Variants in CDC5L observed in about 807,000 individuals in gnomAD.
The protein encoded by CDC5L is cell division cycle 5 like.
A neutral mutation model predicts 104.1 loss-of-function variants in CDC5L; 18 were observed. That is an observed-to-expected ratio of 0.17 (90% CI 0.12 to 0.26). The LOEUF (loss-of-function observed/expected upper bound fraction) is 0.26. Among genes scored for constraint, CDC5L ranks in the 10% least tolerant of loss-of-function variants. CDC5L has a pLI of 1.00. For missense variants in CDC5L, 673 were observed against 956.9 expected, an observed-to-expected ratio of 0.70 and a Z score of 3.91; for synonymous variants, 331 against 322.7, an observed-to-expected ratio of 1.03 and a Z score of -0.28.
intron 8 of CDC5L, among the ~76,000 whole-genome samples, chr6:44,411,614 G>C (rs1394489707): frequency 9.3e-5 from 11 of 117,710 alleles, no homozygotes; most frequent in Non-Finnish European, 1.3e-4. Flanking sequence ...GAGACAGAGA[G>C]AGAGAGAGAG....
rs1416574126 is a variant in CDC5L at position 44,448,336 on chromosome 6, TATG to T, written c.*1628_*1630del. 6.6e-6 allele frequency: 1 copy of T among 152,204 alleles called. No homozygotes were observed. Among genetic ancestry groups the T allele is most frequent in the Non-Finnish European group, 1.5e-5 (1 of 68,026 alleles). 9.4% of individuals were successfully genotyped at this position (152,204 alleles called of 1,614,324 possible). On this transcript the variant is annotated 3_prime_UTR_variant, in exon 16 of 16. Transcript: ENST00000371477. ...TAAGGAATTTGGATCTTACTTTAAA[TATG>T]ATAAGAATCGATGAGAAGATCTAAG...
chr6:44,434,039 C>G (rs1388988105), intron 14 of CDC5L, among the ~76,000 whole-genome samples: 1 of 152,132 alleles, frequency 6.6e-6, no homozygotes, highest in Non-Finnish European at 1.5e-5. Context: ...ATTCACAGTA[C>G]TTTGGAATAC....
rs1431516853 is a variant in CDC5L, at chr6:44,422,892, C to G, written c.1404+83C>G. On this transcript the variant is annotated intron_variant, in intron 10 of 15. Transcript: ENST00000371477. ...CAAATTAAAATTTCTCCTGTTAGTG[C>G]ATATCACATATACCTTAAGAATCTA... 1.0e-5 allele frequency: 8 copies of G among 800,084 alleles called. No homozygotes were observed. In the East Asian group the frequency reaches 2.1e-4, roughly 21 times the overall value. The allele number at this position is 800,084 out of a possible 1,614,324, so 49.6% of individuals were successfully genotyped here.
Position 44,408,644 on chromosome 6 carries a change from C to G in CDC5L, c.1092+12C>G. On this transcript the variant is annotated intron_variant, in intron 8 of 15. Coordinates refer to ENST00000371477, the MANE Select transcript of CDC5L (RefSeq NM_001253.4). ...ACAGAATTCTGCAGGTAACGTGTCA[C>G]GTAGTAGAATGAGGCTTTTACTTTG... The G allele has an allele frequency of 1.9e-6, 3 of 1,567,208 alleles. No homozygotes were observed. The South Asian group carries it at 3.5e-5, about 18-fold the overall frequency.
intron 5 of CDC5L, 69 bp from the exon 6 acceptor site, chr6:44,403,740 A>C (rs1482164245): frequency 5.0e-5 from 53 of 1,057,728 alleles, no homozygotes; most frequent in Non-Finnish European, 7.3e-5. Flanking sequence ...CTTTTTTTTT[A>C]ACTGTATGGG....
intron 14 of CDC5L, among the ~76,000 whole-genome samples, chr6:44,432,872 CAGTT>C (rs1163293701): frequency 6.6e-6 from 1 of 152,224 alleles, no homozygotes; most frequent in East Asian, 1.9e-4. Flanking sequence ...ACAGCAATGA[CAGTT>C]AATATAAGGA....
chr6:44,411,683 A>G (rs1027364834), intron 8 of CDC5L, among the ~76,000 whole-genome samples: 5 of 137,146 alleles, frequency 3.6e-5, no homozygotes, highest in African/African-American at 1.1e-4. Flanking sequence ...TTTGTTTTTT[A>G]TTATCACTCT....
At position 44,387,772 on chromosome 6, in the gene CDC5L, C is replaced by T. The variant is rs1790393626; in HGVS notation, c.-52C>T. On this transcript the variant is annotated 5_prime_UTR_variant, in exon 1 of 16. Coordinates refer to ENST00000371477, the MANE Select transcript of CDC5L (RefSeq NM_001253.4). ...GAGTCCGGTGGCCCAATCGCTGTTA[C>T]TACTTCTCTGAAGCTCCTCTCGGCT... The T allele has an allele frequency of 6.6e-7, 1 of 1,508,366 alleles. No individual in the cohort carries two copies. The allele number at this position is 1,508,366 out of a possible 1,614,324, so 93.4% of individuals were successfully genotyped here.
At chr6:44,438,433 GT>G (rs1457773072) in intron 14 of CDC5L, among the ~76,000 whole-genome samples, 3 of 152,206 alleles carry the variant, frequency 2.0e-5, no homozygotes, top group Admixed American at 2.0e-4. Flanking sequence ...TCATTTGGGA[GT>G]TTTTAAGGAC....
At chr6:44,443,098 T>TTTCC (rs141584444) in intron 14 of CDC5L, among the ~76,000 whole-genome samples, 1 of 151,790 alleles carries the variant, frequency 6.6e-6, no homozygotes, top group African/African-American at 2.4e-5. Flanking sequence ...TTTCTTTTCT[T>TTTCC]TTCCTTCCTT....
rs1790482369 is a variant in CDC5L, at chr6:44,389,074, G to A, written c.46-1194G>A. Among the ~76,000 whole-genome samples, 4 of 152,268 alleles carry A rather than the reference G, an allele frequency of 2.6e-5. No individual in the cohort carries two copies. The South Asian group carries it at 8.3e-4, about 32-fold the overall frequency. On this transcript the variant is annotated intron_variant, in intron 1 of 15. Coordinates refer to ENST00000371477, the MANE Select transcript of CDC5L (RefSeq NM_001253.4). ...AGCATGGCGAGAGGACCAGGTCTTG[G>A]TATCCCTAGGACCTAGGACAGTAAC...
intron 14 of CDC5L, among the ~76,000 whole-genome samples, chr6:44,445,087 C>G (rs111447781): frequency 3.9e-5 from 6 of 152,294 alleles, no homozygotes; most frequent in African/African-American, 1.4e-4. Context: ...GCACTGCCCC[C>G]AAAGGGTGCA....
Position 44,408,505 on chromosome 6 carries a change from A to C in CDC5L, c.965A>C (p.Gln322Pro), listed in dbSNP as rs751834925. ...KVGQASEIAR[Q>P]TAEESGITNS... ...GGCCAAGCGAGTGAAATTGCACGTC[A>C]AACTGCCGAGGAATCTGGCATAACA... The change falls in exon 8 of 16, where the codon CAA becomes CCA. Residue 322 changes from glutamine (Q) to proline (P), a missense_variant. Gln to Pro is a moderately conservative substitution (Grantham distance 76). Coordinates refer to ENST00000371477, the MANE Select transcript of CDC5L (RefSeq NM_001253.4). 8 of 1,613,978 alleles carry C rather than the reference A, an allele frequency of 5.0e-6. No individual in the cohort carries two copies. Among genetic ancestry groups the C allele is most frequent in the Non-Finnish European group, 6.8e-6 (8 of 1,179,932 alleles).
Position 44,387,751 on chromosome 6 carries a change from C to A in CDC5L, c.-73C>A, listed in dbSNP as rs765727466. The A allele has an allele frequency of 3.7e-6, 5 of 1,348,310 alleles. No individual in the cohort carries two copies. Among genetic ancestry groups the A allele is most frequent in the South Asian group, 1.3e-5 (1 of 79,642 alleles). 83.5% of individuals were successfully genotyped at this position (1,348,310 alleles called of 1,614,324 possible). A position where few individuals can be genotyped will look rare whatever the true frequency, so the allele number is the denominator to read the frequency against. On this transcript the variant is annotated 5_prime_UTR_variant, in exon 1 of 16. Transcript: ENST00000371477. ...CTTGGAGGAAGTGGCGGCTTTGAGT[C>A]CGGTGGCCCAATCGCTGTTACTACT...
rs1429483271 is a variant in CDC5L, at chr6:44,422,778, A to G, written c.1373A>G (p.Asp458Gly). 3 of 1,612,714 alleles carry G rather than the reference A, an allele frequency of 1.9e-6. No individual in the cohort carries two copies. In the African/African-American group the frequency reaches 4.0e-5, roughly 22 times the overall value. Reference sequence around the variant, plus strand: ...ATTAATCCCGAGGATGGAATGGCAGACTATAGTGATCCCTCTTACGTGAAG... The same window carrying G: ...ATTAATCCCGAGGATGGAATGGCAGGCTATAGTGATCCCTCTTACGTGAAG... ...LNINPEDGMA[D>G]YSDPSYVKQM... Residue 458 changes from aspartate (D) to glycine (G), a missense_variant, in exon 10 of 16, where the codon GAC becomes GGC. Asp to Gly is a moderately conservative substitution (Grantham distance 94). Around this residue, in one of 4 missense-constraint regions of CDC5L, gnomAD observed 578 missense variants for 737.0 expected, o/e 0.78. Coordinates refer to ENST00000371477, the MANE Select transcript of CDC5L (RefSeq NM_001253.4).
At position 44,387,817 on chromosome 6, in the gene CDC5L, C is replaced by T. The variant is rs144524558; in HGVS notation, c.-7C>T. On this transcript the variant is annotated 5_prime_UTR_variant, in exon 1 of 16. Transcript: ENST00000371477. ...TCGGCTGCTTGCCGAGACACCCTGC[C>T]GCCAAGATGCCTCGAATTATGATCA... The T allele has an allele frequency of 4.5e-5, 70 of 1,562,870 alleles. No individual in the cohort carries two copies. In the African/African-American group the frequency reaches 9.0e-4, roughly 20 times the overall value.
chr6:44,416,575 T>A (rs1331703522), intron 8 of CDC5L, among the ~76,000 whole-genome samples: 1 of 152,190 alleles, frequency 6.6e-6, no homozygotes, highest in East Asian at 1.9e-4. Context: ...TACCTCTGTT[T>A]TACTTTTGAT....
intron 14 of CDC5L, among the ~76,000 whole-genome samples, chr6:44,439,761 C>CTGG (rs1226545879): frequency 6.6e-6 from 1 of 152,224 alleles, no homozygotes; most frequent in African/African-American, 2.4e-5. Context: ...GTGCCAGGCA[C>CTGG]TGGACAGCTG....
intron 2 of CDC5L, among the ~76,000 whole-genome samples, chr6:44,391,155 TTTAA>T (rs1370412739): frequency 6.9e-6 from 1 of 145,580 alleles, no homozygotes; most frequent in Non-Finnish European, 1.5e-5. Flanking sequence ...ATTAAACATA[TTTAA>T]TATGTTATAT....
Sources: gnomAD v4.1 joint callset for allele counts (sites outside exome capture counted in the v4.1 genomes callset) on GRCh38, gnomAD v4.1.1 for gene constraint, gnomAD v4.1.1 regional missense constraint, MANE v1.5 for transcripts, NCBI Gene and HGNC (gene_info 2026-07-23, HGNC 2026-07-21) for gene names.